The following MCF2L variants were observed in gnomAD, a reference collection of about 807,000 sequenced individuals.
MCF2L encodes guanine nucleotide exchange factor DBS.
Under a neutral mutation model 153.4 loss-of-function variants are expected in MCF2L, and 97 were observed. The observed-to-expected ratio is 0.63, with a 90% CI of 0.54 to 0.75. The LOEUF (loss-of-function observed/expected upper bound fraction) is 0.75, where lower values mean the gene tolerates loss of function less well. Among genes scored for constraint, MCF2L ranks in the 30% least tolerant of loss-of-function variants. The pLI, the probability that MCF2L is intolerant of heterozygous loss-of-function variation, is 0.00. For missense variants in MCF2L, 1,347 were observed against 1,495.2 expected (o/e 0.90, Z 1.64); for synonymous variants, 659 against 632.2 (o/e 1.04, Z -0.64).
At chr13:112,908,514 G>A (rs987203011) in intron 2 of MCF2L, among the ~76,000 whole-genome samples, 1 of 152,210 alleles carries the variant, frequency 6.6e-6, no homozygotes, top group African/African-American at 2.4e-5. Context: ...CAGAGCCAGA[G>A]CCGATTTTGC....
intron 20 of MCF2L, among the ~76,000 whole-genome samples, chr13:113,085,379 G>A (rs375715387): frequency 9.2e-5 from 14 of 152,194 alleles, no homozygotes; most frequent in Non-Finnish European, 1.5e-4. Context: ...GTGAGCAGAC[G>A]AGTCCCCGTC....
chr13:112,906,063 C>T (rs1237162266), intron 2 of MCF2L, among the ~76,000 whole-genome samples: 1 of 152,198 alleles, frequency 6.6e-6, no homozygotes, highest in Admixed American at 6.5e-5. Flanking sequence ...TCACAGGAGG[C>T]CTGGGTCCTG....
At chr13:112,927,062 A>C (rs950382806) in intron 2 of MCF2L, among the ~76,000 whole-genome samples, 3 of 152,236 alleles carry the variant, frequency 2.0e-5, no homozygotes, top group Admixed American at 2.0e-4. Context: ...CTTACAGAGA[A>C]ATATGAATTA....
intron 2 of MCF2L, among the ~76,000 whole-genome samples, chr13:112,952,471 C>T (rs779448455): frequency 1.1e-4 from 17 of 152,194 alleles, no homozygotes; most frequent in South Asian, 2.1e-4. Context: ...GAGGAATCTC[C>T]GTTTTCTTCA....
rs1157316726 is a variant in MCF2L, at chr13:112,960,692, C to G, written c.170-54071C>G. ...AGAAGTTCTAACACCAAGGTGTGAG[C>G]AGGGCTAGTCCCTTCTGGAGGCTCC... On this transcript the variant is annotated intron_variant, in intron 2 of 29. Coordinates refer to the MCF2L transcript ENST00000375608. The surrounding 1 kb of genome is among the most constrained non-coding windows in gnomAD (Gnocchi z 4.2). 6.6e-6 allele frequency among the ~76,000 whole-genome samples: 1 copy of G among 152,158 alleles called. No individual in the cohort carries two copies. Among genetic ancestry groups the G allele is most frequent in the Non-Finnish European group, 1.5e-5 (1 of 68,022 alleles).
In MCF2L at chr13:113,035,048, C is replaced by T. The variant is rs2086066187; in HGVS notation, c.279-10223C>T. 6.6e-6 allele frequency among the ~76,000 whole-genome samples: 1 copy of T among 152,220 alleles called. No individual in the cohort carries two copies. The highest frequency in any genetic ancestry group is 2.4e-5 in the African/African-American group (1 of 41,460). Reference sequence around the variant, plus strand: ...GAAGAGCATGGCCCCCGTGAAGCCCCTCGGGAGGAAGGGTTCCTGTCCACG... The same window carrying T: ...GAAGAGCATGGCCCCCGTGAAGCCCTTCGGGAGGAAGGGTTCCTGTCCACG... On this transcript the variant is annotated intron_variant, in intron 3 of 29. Coordinates refer to ENST00000535094, the MANE Select transcript of MCF2L (RefSeq NM_001112732.3). This position sits in a 1 kb window ranked among gnomAD's most constrained non-coding sequence, Gnocchi z 4.4.
At chr13:113,065,932 T>A in intron 7 of MCF2L, 114 bp from the exon 8 acceptor site, 2 of 1,148,370 alleles carry the variant, frequency 1.7e-6, no homozygotes, top group African/African-American at 1.6e-5. Context: ...GGTCGGGGAT[T>A]GACCCCTTCC....
rs116578044 is a variant in MCF2L at position 112,915,737 on chromosome 13, C to A, written c.169+13366C>A. On this transcript the variant is annotated intron_variant, in intron 2 of 29. Coordinates refer to the MCF2L transcript ENST00000375608. ...TCTTGTCAATTTTTGTGCTTCCCAT[C>A]TCGTCCCGAGTGGATTGCCCAGCAT... Among the ~76,000 whole-genome samples the A allele has an allele frequency of 2.0e-5, 3 of 152,246 alleles. No homozygotes were observed. In the South Asian group the frequency reaches 6.2e-4, roughly 32 times the overall value.
Position 113,097,928 on chromosome 13 carries a change from T to C in MCF2L, c.*1069T>C, listed in dbSNP as rs1404850575. 6.6e-6 allele frequency: 1 copy of C among 152,132 alleles called. No homozygotes were observed. Among genetic ancestry groups the C allele is most frequent in the African/African-American group, 2.4e-5 (1 of 41,412 alleles). 9.4% of individuals were successfully genotyped at this position (152,132 alleles called of 1,614,324 possible). ...ACCACCTTGAGTACAGAAGTGAAAG[T>C]GGGGAGAGTATTTTATTCAAGTCAC... On this transcript the variant is annotated 3_prime_UTR_variant, in exon 30 of 30. Transcript: ENST00000535094.
At chr13:112,902,862 A>T (rs1409295478) in intron 2 of MCF2L, among the ~76,000 whole-genome samples, 1 of 152,170 alleles carries the variant, frequency 6.6e-6, no homozygotes, top group African/African-American at 2.4e-5. Flanking sequence ...CCCCGAGGTG[A>T]GAGCTGGGCA....
intron 1 of MCF2L, among the ~76,000 whole-genome samples, chr13:112,974,730 C>A (rs1443624380): frequency 6.6e-6 from 1 of 152,132 alleles, no homozygotes; most frequent in Non-Finnish European, 1.5e-5. Context: ...AAAAACAAGG[C>A]ATAAGCATCA....
chr13:113,094,860 CCTAA>C, intron 27 of MCF2L: 5 of 1,108,200 alleles, frequency 4.5e-6, no homozygotes, highest in Non-Finnish European at 6.5e-6. Flanking sequence ...CCCAGCTCCT[CCTAA>C]CTCTCTCTGG....
rs528745934 is a variant in MCF2L, at chr13:112,975,486, A to G, written c.79+6028A>G. Among the ~76,000 whole-genome samples the G allele has an allele frequency of 4.6e-5, 7 of 152,352 alleles. No individual in the cohort carries two copies. The East Asian group carries it at 1.2e-3, about 25-fold the overall frequency. On this transcript the variant is annotated intron_variant, in intron 1 of 29. Transcript: ENST00000535094. ...GCACCTACCTGCTAGGGTTGATGTG[A>G]CAATCAAATGAGTTAAATCTGCATG...
At chr13:113,048,819 A>G (rs2087007824) in intron 4 of MCF2L, among the ~76,000 whole-genome samples, 1 of 152,194 alleles carries the variant, frequency 6.6e-6, no homozygotes, top group Admixed American at 6.5e-5. Context: ...CTGCCTGGGC[A>G]TCACGGATGT....
chr13:113,077,249 C>A, intron 13 of MCF2L, 38 bp downstream of exon 13: 1 of 1,482,200 alleles, frequency 6.7e-7, no homozygotes, highest in Non-Finnish European at 9.0e-7. Context: ...TGCTGTGGGA[C>A]CCTCGGGGGA....
At chr13:113,082,000 A>G (rs898277406) in intron 16 of MCF2L, among the ~76,000 whole-genome samples, 1 of 151,534 alleles carries the variant, frequency 6.6e-6, no homozygotes, top group African/African-American at 2.4e-5. Context: ...GCGAGTGTGC[A>G]CAGGTGGTGA....
Position 113,027,515 on chromosome 13 carries a change from G to T in MCF2L, c.278+2757G>T, listed in dbSNP as rs1476896822. Among the ~76,000 whole-genome samples the T allele has an allele frequency of 6.6e-6, 1 of 152,186 alleles. No homozygotes were observed. The highest frequency in any genetic ancestry group is 1.5e-5 in the Non-Finnish European group (1 of 68,036). ...TGGTAGCCCCAAATCACTGTGTGTTGGGTTTGTGGTTTTGACCTCAGTCTC... is the reference window on the plus strand; with the variant it reads ...TGGTAGCCCCAAATCACTGTGTGTTTGGTTTGTGGTTTTGACCTCAGTCTC... On this transcript the variant is annotated intron_variant, in intron 3 of 29. Coordinates refer to ENST00000535094, the MANE Select transcript of MCF2L (RefSeq NM_001112732.3). This position sits in a 1 kb window ranked among gnomAD's most constrained non-coding sequence, Gnocchi z 4.8.
chr13:112,973,312 G>A (rs999471462), intron 1 of MCF2L, among the ~76,000 whole-genome samples: 23 of 152,186 alleles, frequency 1.5e-4, no homozygotes, highest in African/African-American at 4.6e-4. Context: ...AATGAGGTAC[G>A]TCTGTGTGGG....
At chr13:112,980,489 G>A (rs1440322429) in intron 1 of MCF2L, among the ~76,000 whole-genome samples, 1 of 152,240 alleles carries the variant, frequency 6.6e-6, no homozygotes, top group Non-Finnish European at 1.5e-5. Context: ...GAGATGGATG[G>A]GCGGCGGCTG....
Sources: allele counts gnomAD v4.1 joint callset (sites outside exome capture counted in the v4.1 genomes callset), GRCh38; gene constraint gnomAD v4.1.1; non-coding constraint Gnocchi (gnomAD v3.1); transcripts MANE v1.5; gene names NCBI Gene and HGNC (gene_info 2026-07-23, HGNC 2026-07-21).